Variants in DCC observed in about 807,000 individuals in gnomAD.
The protein encoded by DCC is DCC netrin 1 receptor.
In DCC, 58 loss-of-function variants were observed where a neutral mutation model predicts 172.5. The observed-to-expected ratio is 0.34, with a 90% CI of 0.27 to 0.42. The LOEUF is 0.42. DCC is among the 10% of genes least tolerant of loss of function. DCC has a pLI of 1.00. For synonymous variants in DCC, 709 were observed against 644.5 expected (o/e 1.10, Z -1.52); for missense variants, 1,740 against 1,791.0 (o/e 0.97, Z 0.51).
At chr18:53,344,275 G>T in intron 15 of DCC, among the ~76,000 whole-genome samples, 1 of 151,504 alleles carries the variant, frequency 6.6e-6, no homozygotes, top group East Asian at 1.9e-4. Context: ...CACAAATTTT[G>T]ATATGTTGTA....
At chr18:52,468,542 T>G (rs964299189) in intron 1 of DCC, among the ~76,000 whole-genome samples, 1 of 152,332 alleles carries the variant, frequency 6.6e-6, no homozygotes, top group Admixed American at 6.5e-5. Context: ...TCTCATTAAT[T>G]TATTTGGTTT....
intron 1 of DCC, among the ~76,000 whole-genome samples, chr18:52,428,365 G>A (rs1252078221): frequency 3.3e-5 from 5 of 152,080 alleles, no homozygotes; most frequent in Admixed American, 2.6e-4. Flanking sequence ...AGAAAGAAAT[G>A]TCTGCCCTTG....
rs1008705257 is a variant in DCC, at chr18:52,657,108, T to C, written c.92-94946T>C. ...CAAGATTAAAGTGAGTGACCCAGTA[T>C]TGTGCGGCAAGATTGAGTCTGTGCT... On this transcript the variant is annotated intron_variant, in intron 1 of 28. Coordinates refer to ENST00000442544, the MANE Select transcript of DCC (RefSeq NM_005215.4). Among the ~76,000 whole-genome samples the C allele has an allele frequency of 8.5e-5, 13 of 152,336 alleles. No individual in the cohort carries two copies. The East Asian group carries it at 2.3e-3, about 27-fold the overall frequency.
intron 9 of DCC, among the ~76,000 whole-genome samples, chr18:53,195,731 T>G (rs963549329): frequency 6.6e-6 from 1 of 152,182 alleles, no homozygotes; most frequent in African/African-American, 2.4e-5. Context: ...CATCCATCTA[T>G]GCAATTCTTA....
At chr18:52,722,121 A>G (rs2036482479) in intron 1 of DCC, among the ~76,000 whole-genome samples, 1 of 152,220 alleles carries the variant, frequency 6.6e-6, no homozygotes, top group Non-Finnish European at 1.5e-5. Flanking sequence ...CACATGGATT[A>G]AAGAGCTCTA....
At chr18:53,426,788 G>A (rs959744779) in intron 21 of DCC, among the ~76,000 whole-genome samples, 5 of 152,042 alleles carry the variant, frequency 3.3e-5, no homozygotes, top group Admixed American at 6.6e-5. Context: ...TAATGCATTT[G>A]TTGAGTGGAT....
chr18:53,207,554 C>T, intron 10 of DCC, 125 bp from the exon 11 acceptor site: 1 of 907,696 alleles, frequency 1.1e-6, no homozygotes, highest in Non-Finnish European at 1.8e-6. Flanking sequence ...GGTTTTATAG[C>T]TCATTAGAAG....
Position 52,882,131 on chromosome 18 carries a change from T to G in DCC, c.413-23913T>G, listed in dbSNP as rs139512335. ...TATATAGAAATGTTAATGATTTGTA[T>G]GTTGATTTTATATCCTGCAACTTTA... On this transcript the variant is annotated intron_variant, in intron 2 of 28. Coordinates refer to ENST00000442544, the MANE Select transcript of DCC (RefSeq NM_005215.4). 6.4e-4 allele frequency among the ~76,000 whole-genome samples: 98 copies of G among 152,128 alleles called. 1 individual carries two copies. Among genetic ancestry groups the G allele is most frequent in the Non-Finnish European group, 2.8e-4 (19 of 67,970 alleles).
chr18:53,150,573 C>G (rs990436143), intron 7 of DCC, among the ~76,000 whole-genome samples: 1 of 152,148 alleles, frequency 6.6e-6, no homozygotes, highest in Non-Finnish European at 1.5e-5. Context: ...AGGGAAGTGC[C>G]CTGACAGGAG....
At chr18:53,300,171 C>T (rs2057115777) in intron 12 of DCC, among the ~76,000 whole-genome samples, 1 of 152,060 alleles carries the variant, frequency 6.6e-6, no homozygotes, top group South Asian at 2.1e-4. Context: ...TACAGTTGAT[C>T]CTCATTATTT....
chr18:53,478,284 G>C (rs2045790619), intron 25 of DCC, among the ~76,000 whole-genome samples: 1 of 152,176 alleles, frequency 6.6e-6, no homozygotes. Context: ...CCTTGGGTGA[G>C]CGACTTAATT....
At chr18:53,343,037 T>A (rs1357801758) in intron 15 of DCC, among the ~76,000 whole-genome samples, 2 of 151,504 alleles carry the variant, frequency 1.3e-5, no homozygotes, top group Non-Finnish European at 3.0e-5. Flanking sequence ...TATCCTAATA[T>A]CTGCTAAATT....
chr18:52,389,899 G>A (rs187335017), intron 1 of DCC, among the ~76,000 whole-genome samples: 153 of 152,156 alleles, frequency 1.0e-3, no homozygotes, highest in Middle Eastern at 3.4e-3. Context: ...ACACTTTCTT[G>A]TATTGAGAAA....
chr18:52,681,765 C>G (rs1259885281), intron 1 of DCC, among the ~76,000 whole-genome samples: 1 of 152,082 alleles, frequency 6.6e-6, no homozygotes, highest in Non-Finnish European at 1.5e-5. Flanking sequence ...TGCTTGTTCA[C>G]TAACACGAGC....
chr18:52,800,889 G>A (rs1184175487), intron 2 of DCC, among the ~76,000 whole-genome samples: 1 of 152,138 alleles, frequency 6.6e-6, no homozygotes, highest in Non-Finnish European at 1.5e-5. Flanking sequence ...ACTGGTCTGG[G>A]CCAGCTGGAC....
intron 2 of DCC, among the ~76,000 whole-genome samples, chr18:52,815,557 C>A (rs1339635067): frequency 2.0e-5 from 3 of 152,128 alleles, no homozygotes; most frequent in Non-Finnish European, 2.9e-5. Flanking sequence ...AGTTTGCTGA[C>A]ACCTTCAACT....
chr18:53,514,574 A>G (rs1453565679), intron 27 of DCC, among the ~76,000 whole-genome samples: 2 of 152,094 alleles, frequency 1.3e-5, no homozygotes, highest in Non-Finnish European at 2.9e-5. Context: ...AGAAAAAAAG[A>G]GAGAAGAATC....
chr18:53,352,765 A>C (rs1252359645), intron 15 of DCC, among the ~76,000 whole-genome samples: 1 of 152,052 alleles, frequency 6.6e-6, no homozygotes, highest in Non-Finnish European at 1.5e-5. Flanking sequence ...CTATCCTGCT[A>C]TTCATGTTTT....
intron 1 of DCC, among the ~76,000 whole-genome samples, chr18:52,656,473 T>G (rs534874717): frequency 6.6e-6 from 1 of 152,184 alleles, no homozygotes; most frequent in African/African-American, 2.4e-5. Flanking sequence ...AGCCACTCAG[T>G]CTATGGTATC....
Sources: allele counts gnomAD v4.1 joint callset (sites outside exome capture counted in the v4.1 genomes callset), GRCh38; gene constraint gnomAD v4.1.1; transcripts MANE v1.5; gene names NCBI Gene and HGNC (gene_info 2026-07-23, HGNC 2026-07-21).